GRIA4: variants seen among roughly 807,000 people sequenced by gnomAD.
GRIA4 encodes the protein glutamate ionotropic receptor AMPA type subunit 4, also known as glutamate receptor 4.
A neutral mutation model predicts 104.0 loss-of-function variants in GRIA4; 34 were observed. The observed-to-expected ratio is 0.33, with a 90% CI of 0.25 to 0.44. The LOEUF (loss-of-function observed/expected upper bound fraction) is 0.44, where lower values mean the gene tolerates loss of function less well. Among genes scored for constraint, GRIA4 ranks in the 20% least tolerant of loss-of-function variants. GRIA4 has a pLI of 1.00. For missense variants in GRIA4, 750 were observed against 1,096.5 expected, an observed-to-expected ratio of 0.68 and a Z score of 4.46; for synonymous variants, 386 against 381.9, an observed-to-expected ratio of 1.01 and a Z score of -0.13.
chr11:105,688,087 T>TTCTC (rs879852982), intron 3 of GRIA4, among the ~76,000 whole-genome samples: 1 of 151,006 alleles, frequency 6.6e-6, no homozygotes, highest in Non-Finnish European at 1.5e-5. Context: ...ATCTCAAATA[T>TTCTC]TCTCTCTCTC....
intron 4 of GRIA4, among the ~76,000 whole-genome samples, chr11:105,833,794 A>C (rs145011936): frequency 7.9e-5 from 12 of 152,018 alleles, no homozygotes; most frequent in African/African-American, 2.4e-4. Context: ...GAGCCCTTAC[A>C]TGTTCTCCTA....
chr11:105,677,169 A>G (rs1411169691), intron 3 of GRIA4, among the ~76,000 whole-genome samples: 2 of 151,792 alleles, frequency 1.3e-5, no homozygotes, highest in Non-Finnish European at 3.0e-5. Flanking sequence ...TAAAATTTTT[A>G]TTTATCTTTA....
chr11:105,617,867 A>T (rs990273417), intron 3 of GRIA4, among the ~76,000 whole-genome samples: 1 of 152,034 alleles, frequency 6.6e-6, no homozygotes, highest in African/African-American at 2.4e-5. Context: ...GGTAATGATT[A>T]CAGTACAATG....
chr11:105,716,480 A>G (rs1029011518), intron 3 of GRIA4, among the ~76,000 whole-genome samples: 5 of 152,174 alleles, frequency 3.3e-5, no homozygotes, highest in African/African-American at 4.8e-5. Flanking sequence ...TTCCTAAAAT[A>G]AAATGTATCA....
intron 3 of GRIA4, among the ~76,000 whole-genome samples, chr11:105,679,426 A>G (rs1207865524): frequency 6.6e-6 from 1 of 152,146 alleles, no homozygotes; most frequent in East Asian, 1.9e-4. Flanking sequence ...CTTGGCATCC[A>G]TATGCATTTC....
intron 3 of GRIA4, among the ~76,000 whole-genome samples, chr11:105,720,361 G>A (rs1298558683): frequency 6.6e-6 from 1 of 151,760 alleles, no homozygotes; most frequent in African/African-American, 2.4e-5. Flanking sequence ...GCTGAACTGT[G>A]GTTTTATGTA....
chr11:105,977,410 C>T (rs1403208071), intron 16 of GRIA4, among the ~76,000 whole-genome samples: 1 of 151,896 alleles, frequency 6.6e-6, no homozygotes, highest in Non-Finnish European at 1.5e-5. Flanking sequence ...TGGGCTAATA[C>T]ATTGGTTTGG....
intron 5 of GRIA4, among the ~76,000 whole-genome samples, chr11:105,872,411 C>T (rs1945649784): frequency 1.3e-5 from 2 of 152,122 alleles, no homozygotes. Context: ...CAGTCCTCTA[C>T]ACTGGAGAAT....
At chr11:105,884,315 G>A (rs1487412450) in intron 5 of GRIA4, among the ~76,000 whole-genome samples, 1 of 152,154 alleles carries the variant, frequency 6.6e-6, no homozygotes, top group Non-Finnish European at 1.5e-5. Flanking sequence ...GGTTTGGTCT[G>A]CACCCACAGT....
intron 3 of GRIA4, among the ~76,000 whole-genome samples, chr11:105,631,200 T>G (rs1236168321): frequency 6.6e-6 from 1 of 152,096 alleles, no homozygotes; most frequent in East Asian, 1.9e-4. Context: ...AAAATCTCAG[T>G]GCAATGTGAA....
At chr11:105,692,255 TAAA>T (rs749702613) in intron 3 of GRIA4, among the ~76,000 whole-genome samples, 24 of 139,724 alleles carry the variant, frequency 1.7e-4, no homozygotes, top group African/African-American at 5.4e-4. Context: ...CTCTTTTTTT[TAAA>T]AAAAAAAAGA....
chr11:105,894,756 T>G (rs1946584430), intron 6 of GRIA4, among the ~76,000 whole-genome samples: 1 of 152,040 alleles, frequency 6.6e-6, no homozygotes, highest in African/African-American at 2.4e-5. Flanking sequence ...AAGTCCTCAT[T>G]ACTTCTTACT....
chr11:105,862,079 C>T lies in GRIA4; in HGVS notation c.543C>T (p.Val181=). 1.9e-6 allele frequency: 3 copies of T among 1,611,804 alleles called. No homozygotes were observed. Among genetic ancestry groups the T allele is most frequent in the Non-Finnish European group, 2.5e-6 (3 of 1,178,100 alleles). Residue 181 remains valine, a synonymous_variant, in exon 5 of 17, where the codon GTC becomes GTT. Coordinates refer to ENST00000282499, the MANE Select transcript of GRIA4 (RefSeq NM_000829.4). The stretch of plus-strand genomic sequence containing the variant: ...AAGCAGGACAAAATGGTTGGCATGT[C>T]AGCGCTATATGTGTGGAAAATTTTA... ...MEKAGQNGWH[V]SAICVENFND... is the part of the protein sequence containing the mutation.
chr11:105,668,193 CATAT>C (rs57189096), intron 3 of GRIA4, among the ~76,000 whole-genome samples: 1 of 27,296 alleles, frequency 3.7e-5, no homozygotes, highest in African/African-American at 7.2e-5. Flanking sequence ...TACTCCATTG[CATAT>C]ACACACACAC....
chr11:105,723,072 T>C (rs1186169654), intron 3 of GRIA4, among the ~76,000 whole-genome samples: 2 of 152,118 alleles, frequency 1.3e-5, no homozygotes, highest in Admixed American at 6.6e-5. Flanking sequence ...GACTTGCCGA[T>C]GGGTAAAGTT....
chr11:105,802,356 C>T (rs1262059338), intron 4 of GRIA4, among the ~76,000 whole-genome samples: 1 of 152,038 alleles, frequency 6.6e-6, no homozygotes, highest in Admixed American at 6.6e-5. Flanking sequence ...AGATTTAAAA[C>T]CATCAGAAAT....
chr11:105,614,425 A>G (rs1390147168), intron 3 of GRIA4: 1 of 151,932 alleles, frequency 6.6e-6, no homozygotes, highest in Non-Finnish European at 1.5e-5. Context: ...ATAAAGTGTT[A>G]CTGGTAAAGT....
At chr11:105,958,809 T>C (rs1948658919) in intron 14 of GRIA4, among the ~76,000 whole-genome samples, 1 of 152,172 alleles carries the variant, frequency 6.6e-6, no homozygotes, top group Non-Finnish European at 1.5e-5. Flanking sequence ...GCCCTGGTAG[T>C]AACAAAATCC....
intron 3 of GRIA4, among the ~76,000 whole-genome samples, chr11:105,741,807 A>T (rs1230431375): frequency 2.6e-5 from 4 of 152,154 alleles, no homozygotes; most frequent in Non-Finnish European, 4.4e-5. Context: ...TTTTTGATAC[A>T]TAGTGAAATG....
Sources: gnomAD v4.1 joint callset for allele counts (sites outside exome capture counted in the v4.1 genomes callset) on GRCh38, gnomAD v4.1.1 for gene constraint, MANE v1.5 for transcripts, NCBI Gene and HGNC (gene_info 2026-07-23, HGNC 2026-07-21) for gene names.